Variants in ST6GALNAC3 observed in about 807,000 individuals in gnomAD.
ST6GALNAC3 encodes the protein ST6 N-acetylgalactosaminide alpha-2,6-sialyltransferase 3.
In ST6GALNAC3, 25 loss-of-function variants were observed where a neutral mutation model predicts 32.7. The observed-to-expected ratio is 0.76, with a 90% CI of 0.56 to 1.07. ST6GALNAC3 has a LOEUF of 1.07. Among genes scored for constraint, ST6GALNAC3 ranks in the 50% least tolerant of loss-of-function variants. The pLI, the probability that ST6GALNAC3 is intolerant of heterozygous loss-of-function variation, is 0.00. For synonymous variants in ST6GALNAC3, 129 were observed against 133.1 expected (o/e 0.97, Z 0.21); for missense variants, 355 against 382.4 (o/e 0.93, Z 0.60).
intron 2 of ST6GALNAC3, among the ~76,000 whole-genome samples, chr1:76,369,512 A>G (rs1170547579): frequency 6.6e-6 from 1 of 152,144 alleles, no homozygotes; most frequent in Non-Finnish European, 1.5e-5. Flanking sequence ...AGGCACAGAG[A>G]TGTTAGTTAC....
intron 2 of ST6GALNAC3, among the ~76,000 whole-genome samples, chr1:76,383,373 C>T (rs11162137): frequency 0.29 from 43,656 of 151,374 alleles, 7,608 homozygotes; most frequent in East Asian, 0.6. Context: ...TGGACTCAGG[C>T]GATCCTTCTA....
chr1:76,164,753 T>A (rs969004884), intron 1 of ST6GALNAC3, among the ~76,000 whole-genome samples: 2 of 152,062 alleles, frequency 1.3e-5, no homozygotes, highest in Admixed American at 1.3e-4. Context: ...ATAAAAATAA[T>A]TTGAGTAAAT....
intron 3 of ST6GALNAC3, among the ~76,000 whole-genome samples, chr1:76,494,984 A>G (rs1571415067): frequency 6.6e-6 from 1 of 152,150 alleles, no homozygotes; most frequent in East Asian, 1.9e-4. Flanking sequence ...GCAGTCAGGC[A>G]GGAGGAAATT....
intron 1 of ST6GALNAC3, among the ~76,000 whole-genome samples, chr1:76,200,838 AC>A (rs1654476215): frequency 2.6e-5 from 4 of 152,124 alleles, no homozygotes; most frequent in African/African-American, 7.2e-5. Flanking sequence ...AGGAAAAGAG[AC>A]TACAATCTCT....
rs115151498 is a variant in ST6GALNAC3, at chr1:76,620,079, T to C, written c.624-7373T>C. ...TTTCTGAGTTAACCCTGAGTTGAGA[T>C]TGGGGCAATTTGGTTTTCCAGTGCC... On this transcript the variant is annotated intron_variant, in intron 3 of 4. Coordinates refer to ENST00000328299, the MANE Select transcript of ST6GALNAC3 (RefSeq NM_152996.4). Among the ~76,000 whole-genome samples, 336 of 152,210 alleles carry C rather than the reference T, an allele frequency of 2.2e-3. 1 individual carries two copies. The highest frequency in any genetic ancestry group is 7.2e-3 in the African/African-American group (301 of 41,550).
intron 1 of ST6GALNAC3, among the ~76,000 whole-genome samples, chr1:76,254,215 C>G (rs943893696): frequency 6.6e-6 from 1 of 152,090 alleles, no homozygotes; most frequent in Admixed American, 6.6e-5. Flanking sequence ...AGGACAGTTA[C>G]TATTTCTAGA....
chr1:76,395,846 G>C (rs1313691578), intron 2 of ST6GALNAC3, among the ~76,000 whole-genome samples: 1 of 152,180 alleles, frequency 6.6e-6, no homozygotes, highest in Non-Finnish European at 1.5e-5. Context: ...ATGAAGAGAG[G>C]CTGGTTAATG....
chr1:76,190,303 A>T (rs544232113), intron 1 of ST6GALNAC3, among the ~76,000 whole-genome samples: 1 of 152,314 alleles, frequency 6.6e-6, no homozygotes, highest in African/African-American at 2.4e-5. Flanking sequence ...TAGCAATGCA[A>T]AACTGTTAGA....
intron 2 of ST6GALNAC3, among the ~76,000 whole-genome samples, chr1:76,397,579 G>T (rs1653072691): frequency 6.6e-6 from 1 of 151,498 alleles, no homozygotes; most frequent in Admixed American, 6.6e-5. Context: ...TCACCATTTT[G>T]GCCAGGCTGA....
chr1:76,633,404 C>A lies in ST6GALNAC3; in HGVS notation c.*4598C>A, dbSNP rs889876483. The A allele has an allele frequency of 2.0e-5, 3 of 152,172 alleles. No homozygotes were observed. The highest frequency in any genetic ancestry group is 7.2e-5 in the African/African-American group (3 of 41,436). 9.4% of individuals were successfully genotyped at this position (152,172 alleles called of 1,614,324 possible). A position where few individuals can be genotyped will look rare whatever the true frequency, so the allele number is the denominator to read the frequency against. On this transcript the variant is annotated 3_prime_UTR_variant, in exon 5 of 5. Transcript: ENST00000328299. ...ATATCCCATTGATTGTCTACACTTT[C>A]TTCTCTCTGTTTGTTGCTATTGGTA...
At chr1:76,192,645 G>A (rs1031713922) in intron 1 of ST6GALNAC3, among the ~76,000 whole-genome samples, 6 of 152,282 alleles carry the variant, frequency 3.9e-5, no homozygotes, top group African/African-American at 1.4e-4. Flanking sequence ...AGGACAGCTG[G>A]TTAAAATGCA....
intron 3 of ST6GALNAC3, among the ~76,000 whole-genome samples, chr1:76,552,554 C>G (rs918666742): frequency 2.0e-5 from 3 of 152,152 alleles, no homozygotes; most frequent in Non-Finnish European, 2.9e-5. Flanking sequence ...TGAGTTGTTA[C>G]TGCTCTGTAG....
chr1:76,313,867 T>G lies in ST6GALNAC3; in HGVS notation c.81T>G (p.Leu27=). ...TCCTTTTCCTGCTGGTTGTGCGTCT[T>G]GTAAATGAAGTGAATTTCCCATTGC... ...AAFLFLLVVR[L]VNEVNFPLLL... is the part of the protein sequence containing the mutation. Residue 27 remains leucine, a synonymous_variant, in exon 2 of 5, where the codon CTT becomes CTG. Transcript: ENST00000328299. 1 of 1,613,706 alleles carries G rather than the reference T, an allele frequency of 6.2e-7. No homozygotes were observed. The highest frequency in any genetic ancestry group is 8.5e-7 in the Non-Finnish European group (1 of 1,179,748).
At chr1:76,547,538 G>C (rs898412431) in intron 3 of ST6GALNAC3, among the ~76,000 whole-genome samples, 3 of 152,126 alleles carry the variant, frequency 2.0e-5, no homozygotes, top group Non-Finnish European at 2.9e-5. Flanking sequence ...GGCAATGGAG[G>C]GGGTGTAGAA....
At chr1:76,242,437 C>CT (rs548581379) in intron 1 of ST6GALNAC3, among the ~76,000 whole-genome samples, 15 of 151,538 alleles carry the variant, frequency 9.9e-5, no homozygotes, top group African/African-American at 2.4e-4. Context: ...CCTTCTTTTC[C>CT]TTTTTTTTAA....
At chr1:76,176,270 C>CCA (rs1652845486) in intron 1 of ST6GALNAC3, among the ~76,000 whole-genome samples, 1 of 152,170 alleles carries the variant, frequency 6.6e-6, no homozygotes, top group Non-Finnish European at 1.5e-5. Context: ...AGATGAAAGC[C>CCA]CACTGCCCAG....
intron 3 of ST6GALNAC3, among the ~76,000 whole-genome samples, chr1:76,610,712 C>T (rs1647870312): frequency 6.6e-6 from 1 of 152,142 alleles, no homozygotes; most frequent in African/African-American, 2.4e-5. Flanking sequence ...GCTAGGTCCA[C>T]TTCTGAGGCC....
intron 1 of ST6GALNAC3, among the ~76,000 whole-genome samples, chr1:76,261,882 T>C (rs1354550023): frequency 6.6e-6 from 1 of 152,232 alleles, no homozygotes; most frequent in Admixed American, 6.5e-5. Flanking sequence ...CCTTTCTATA[T>C]TTTTATTCTA....
At chr1:76,474,377 G>A (rs1659218057) in intron 3 of ST6GALNAC3, among the ~76,000 whole-genome samples, 1 of 152,112 alleles carries the variant, frequency 6.6e-6, no homozygotes, top group Non-Finnish European at 1.5e-5. Context: ...AGGTGGCAAG[G>A]TTCAGCGGGA....
Sources: allele counts gnomAD v4.1 joint callset (sites outside exome capture counted in the v4.1 genomes callset), GRCh38; gene constraint gnomAD v4.1.1; transcripts MANE v1.5; gene names NCBI Gene and HGNC (gene_info 2026-07-23, HGNC 2026-07-21).